Variants in USP28 observed in about 807,000 individuals in gnomAD.
USP28 encodes ubiquitin carboxyl-terminal hydrolase 28.
Under a neutral mutation model 145.0 loss-of-function variants are expected in USP28, and 113 were observed. That is an observed-to-expected ratio of 0.78 (90% CI 0.67 to 0.91). The LOEUF (loss-of-function observed/expected upper bound fraction) is 0.91. USP28 is among the 40% of genes least tolerant of loss of function. The pLI is 0.00. For missense variants in USP28, 1,201 were observed against 1,289.6 expected (o/e 0.93, Z 1.05); for synonymous variants, 447 against 450.9 (o/e 0.99, Z 0.11).
chr11:113,804,696 C>A, exon 21 of USP28: 1 of 1,614,144 alleles, frequency 6.2e-7, no homozygotes, highest in Non-Finnish European at 8.5e-7. Context: ...ATATTCATGT[C>A]ATCTGGACCA....
intron 1 of USP28, among the ~76,000 whole-genome samples, chr11:113,868,488 G>A (rs532461440): frequency 7.9e-5 from 12 of 152,280 alleles, no homozygotes; most frequent in Non-Finnish European, 1.6e-4. Context: ...TTGTACTAAA[G>A]TCGGAGAAAT....
intron 11 of USP28, 56 bp downstream of exon 11, chr11:113,827,177 G>A: frequency 1.3e-6 from 2 of 1,563,706 alleles, no homozygotes; most frequent in Non-Finnish European, 1.7e-6. Flanking sequence ...CTTAGTACGT[G>A]CTCATCTCTA....
At chr11:113,844,423 AAC>A (rs1190539023) in intron 3 of USP28, among the ~76,000 whole-genome samples, 2 of 151,952 alleles carry the variant, frequency 1.3e-5, no homozygotes, top group Non-Finnish European at 2.9e-5. Context: ...CAGCCTGGGC[AAC>A]AGTGTGAGAC....
intron 4 of USP28, 82 bp from the exon 5 acceptor site, chr11:113,840,839 G>A (rs559952515): frequency 2.9e-5 from 43 of 1,468,258 alleles, no homozygotes; most frequent in African/African-American, 1.3e-4. Flanking sequence ...ATAACTTTTC[G>A]TGGATAATTC....
chr11:113,857,802 G>C (rs1947225021), intron 1 of USP28, among the ~76,000 whole-genome samples: 1 of 152,130 alleles, frequency 6.6e-6, no homozygotes, highest in Non-Finnish European at 1.5e-5. Context: ...TTTGTAATAG[G>C]TAGCAGTGGA....
intron 13 of USP28, 109 bp downstream of exon 13, chr11:113,817,549 A>G (rs1292484506): frequency 1.6e-6 from 2 of 1,273,012 alleles, no homozygotes; most frequent in Admixed American, 4.8e-5. Flanking sequence ...AAGAGCTCAC[A>G]GCTCCTGTGC....
intron 1 of USP28, among the ~76,000 whole-genome samples, chr11:113,864,230 G>A (rs1189055928): frequency 6.6e-6 from 1 of 152,088 alleles, no homozygotes; most frequent in African/African-American, 2.4e-5. Context: ...AACAGAGTGA[G>A]ACTCTGTCTC....
chr11:113,844,451 GA>G (rs1018732828), intron 3 of USP28, among the ~76,000 whole-genome samples: 6 of 141,486 alleles, frequency 4.2e-5, no homozygotes, highest in African/African-American at 5.2e-5. Context: ...CTTAAAAAAA[GA>G]AAAAAAAAAG....
chr11:113,811,303 A>G (rs529943612), intron 16 of USP28, among the ~76,000 whole-genome samples: 4 of 152,354 alleles, frequency 2.6e-5, no homozygotes, highest in Non-Finnish European at 5.9e-5. Flanking sequence ...AGCATGCTTT[A>G]AGAAGTAAAG....
intron 1 of USP28, 65 bp downstream of exon 1, chr11:113,875,379 GC>G: frequency 2.6e-6 from 3 of 1,153,640 alleles, no homozygotes; most frequent in Admixed American, 4.7e-5. Context: ...AGCCCTGCAG[GC>G]CCCGCACGCT....
chr11:113,803,552 A>T (rs975414665), intron 22 of USP28, among the ~76,000 whole-genome samples: 2 of 152,220 alleles, frequency 1.3e-5, no homozygotes, highest in Non-Finnish European at 2.9e-5. Context: ...TTCTGAGTTC[A>T]TCTTCATTGA....
chr11:113,856,270 A>G (rs1371029309), intron 1 of USP28, among the ~76,000 whole-genome samples: 1 of 152,198 alleles, frequency 6.6e-6, no homozygotes, highest in Non-Finnish European at 1.5e-5. Flanking sequence ...ACATCAATAT[A>G]CCCAAAAAAG....
intron 12 of USP28, 37 bp downstream of exon 12, chr11:113,823,568 T>C (rs761593320): frequency 7.1e-7 from 1 of 1,398,758 alleles, no homozygotes; most frequent in Non-Finnish European, 9.9e-7. Context: ...TTTAATATTC[T>C]TTTACATTTC....
At chr11:113,826,458 C>T (rs1259915806) in intron 11 of USP28, among the ~76,000 whole-genome samples, 1 of 148,370 alleles carries the variant, frequency 6.7e-6, no homozygotes, top group Non-Finnish European at 1.5e-5. Flanking sequence ...TACAGGTGCA[C>T]ACCACTACAC....
At chr11:113,809,088 TGAG>T (rs762785483) in exon 17 of USP28, 2 of 1,614,184 alleles carry the variant, frequency 1.2e-6, no homozygotes, top group Non-Finnish European at 1.7e-6. Flanking sequence ...AGTCCTGTGA[TGAG>T]GAGTTGGTGG....
At chr11:113,817,921 G>T in intron 12 of USP28, 84 bp from the exon 13 acceptor site, 1 of 1,411,924 alleles carries the variant, frequency 7.1e-7, no homozygotes, top group Non-Finnish European at 9.8e-7. Flanking sequence ...GTTTATCACA[G>T]CAAGTCAATG....
chr11:113,852,573 G>A (rs1281258638), exon 3 of USP28: 4 of 1,613,992 alleles, frequency 2.5e-6, no homozygotes, highest in African/African-American at 1.3e-5. Flanking sequence ...TCTTGACTGG[G>A]CTCCTTAACT....
At chr11:113,842,454 G>A (rs1176186073) in intron 3 of USP28, among the ~76,000 whole-genome samples, 3 of 151,780 alleles carry the variant, frequency 2.0e-5, no homozygotes, top group African/African-American at 4.8e-5. Context: ...GCGTGGTGGC[G>A]GGCGCCTGTA....
In USP28 at chr11:113,852,504, C is replaced by T. The variant is rs1341679481; in HGVS notation, c.265G>A (p.Ala89Thr). Residue 89 changes from alanine (A) to threonine (T), a missense_variant, in exon 3 of 25, where the codon GCA (alanine) becomes ACA (threonine). Ala to Thr is a moderately conservative substitution (Grantham distance 58, BLOSUM62 0). Coordinates refer to ENST00000003302, the Ensembl canonical transcript of USP28. ...AGACAGGATATATGGTACCTACTTGCTAATACTTCCTTGTTGGCAGCACTC... is the reference window on the plus strand; with the variant it reads ...AGACAGGATATATGGTACCTACTTGTTAATACTTCCTTGTTGGCAGCACTC... 7 of 1,614,024 alleles carry T rather than the reference C, an allele frequency of 4.3e-6. No individual in the cohort carries two copies. Among genetic ancestry groups the T allele is most frequent in the Admixed American group, 1.7e-5 (1 of 60,004 alleles).
Sources: gnomAD v4.1 joint callset for allele counts (sites outside exome capture counted in the v4.1 genomes callset) on GRCh38, gnomAD v4.1.1 for gene constraint, MANE v1.5 for transcripts, NCBI Gene and HGNC (gene_info 2026-07-23, HGNC 2026-07-21) for gene names.